TPRG1: variants seen among roughly 807,000 people sequenced by gnomAD.
TPRG1 encodes the protein tumor protein p63 regulated 1.
Under a neutral mutation model 29.3 loss-of-function variants are expected in TPRG1, and 29 were observed. The ratio of observed to expected loss-of-function variants is 0.99; its 90% CI spans 0.74 to 1.35. The LOEUF is 1.35. TPRG1 is among the 40% of genes most tolerant of loss of function. The probability of loss-of-function intolerance (pLI) is 0.00; values close to 1 mark genes in which losing one functional copy is unlikely to be tolerated. For missense variants in TPRG1, 327 were observed against 335.0 expected, an observed-to-expected ratio of 0.98 and a Z score of 0.19; for synonymous variants, 130 against 116.8, an observed-to-expected ratio of 1.11 and a Z score of -0.73.
At chr3:189,199,594 C>A (rs1318736148) in intron 1 of TPRG1, among the ~76,000 whole-genome samples, 2 of 152,176 alleles carry the variant, frequency 1.3e-5, no homozygotes, top group South Asian at 2.1e-4. Context: ...AATCCCAGCA[C>A]TTTTGGGAAG....
intron 1 of TPRG1, among the ~76,000 whole-genome samples, chr3:189,195,589 A>AG: frequency 6.6e-6 from 1 of 152,188 alleles, no homozygotes; most frequent in Non-Finnish European, 1.5e-5. Context: ...TGTGGGCCAC[A>AG]GGGGGCAGGG....
chr3:189,234,093 G>A (rs55991724), intron 3 of TPRG1, among the ~76,000 whole-genome samples: 2,113 of 152,170 alleles, frequency 0.014, 48 homozygotes, highest in African/African-American at 0.048. Context: ...TGCCCAGGCT[G>A]GTCTCAAACT....
chr3:189,209,806 A>C (rs894848898), intron 2 of TPRG1, among the ~76,000 whole-genome samples: 1 of 152,186 alleles, frequency 6.6e-6, no homozygotes, highest in African/African-American at 2.4e-5. Flanking sequence ...GTGTATCGAA[A>C]ACAATCTTAA....
At chr3:189,312,292 C>G (rs998254319) in intron 5 of TPRG1, among the ~76,000 whole-genome samples, 2 of 151,122 alleles carry the variant, frequency 1.3e-5, no homozygotes, top group Non-Finnish European at 2.9e-5. Flanking sequence ...AGCTCCGCCT[C>G]CCGGGTTCAC....
intron 4 of TPRG1, among the ~76,000 whole-genome samples, chr3:189,292,603 T>A (rs1382134265): frequency 6.6e-6 from 1 of 152,202 alleles, no homozygotes; most frequent in Non-Finnish European, 1.5e-5. Context: ...ACCACCACTC[T>A]TACCTCTTCT....
chr3:189,207,644 A>G (rs1198334878), intron 2 of TPRG1, 50 bp downstream of exon 2: 4 of 1,554,126 alleles, frequency 2.6e-6, no homozygotes, highest in African/African-American at 1.4e-5. Context: ...ACCCCAAGAC[A>G]TCTTAAAATC....
intron 5 of TPRG1, among the ~76,000 whole-genome samples, chr3:189,316,846 C>G (rs548366887): frequency 6.6e-6 from 1 of 152,142 alleles, no homozygotes; most frequent in Non-Finnish European, 1.5e-5. Context: ...GATGACACAG[C>G]GTTCCTGTCA....
chr3:189,137,523 T>C (rs1006138816), intron 3 of TPRG1, among the ~76,000 whole-genome samples: 1 of 152,180 alleles, frequency 6.6e-6, no homozygotes, highest in African/African-American at 2.4e-5. Context: ...ATCCAGGCCC[T>C]GCTGTGAACA....
Position 189,269,024 on chromosome 3 carries a change from C to T in TPRG1, c.479+30115C>T, listed in dbSNP as rs115430114. Reference sequence around the variant, plus strand: ...CTCCAGAAAATGGGATATTAAGACTCAACAATTAAATTTCTAACTCTTTGG... The same window carrying T: ...CTCCAGAAAATGGGATATTAAGACTTAACAATTAAATTTCTAACTCTTTGG... On this transcript the variant is annotated intron_variant, in intron 4 of 5. Transcript: ENST00000345063. 3.9e-3 allele frequency among the ~76,000 whole-genome samples: 598 copies of T among 151,958 alleles called. 4 individuals carry two copies. Among genetic ancestry groups the T allele is most frequent in the African/African-American group, 0.013 (541 of 41,432 alleles).
chr3:189,208,358 C>T (rs1164079593), intron 2 of TPRG1, among the ~76,000 whole-genome samples: 1 of 152,096 alleles, frequency 6.6e-6, no homozygotes, highest in Non-Finnish European at 1.5e-5. Context: ...GGGGCAAAAT[C>T]AGGGAGTTTA....
intron 3 of TPRG1, among the ~76,000 whole-genome samples, chr3:189,228,076 G>A (rs1022720724): frequency 5.3e-5 from 8 of 152,022 alleles, no homozygotes; most frequent in South Asian, 4.2e-4. Context: ...AGTCGAGATC[G>A]CCCCACTGCA....
intron 1 of TPRG1, among the ~76,000 whole-genome samples, chr3:189,118,820 GT>G (rs1362487400): frequency 6.6e-6 from 1 of 152,238 alleles, no homozygotes; most frequent in Non-Finnish European, 1.5e-5. Context: ...ATGCCTGGAT[GT>G]CTAGGCAGAA....
At chr3:189,052,801 C>T (rs917319295) in intron 4 of TPRG1, among the ~76,000 whole-genome samples, 1 of 152,002 alleles carries the variant, frequency 6.6e-6, no homozygotes, top group African/African-American at 2.4e-5. Flanking sequence ...GGATGAGATT[C>T]GGGACTATTA....
In TPRG1 at chr3:189,148,833, C is replaced by A. The variant is rs763023444; in HGVS notation, c.-227+1186C>A. Among the ~76,000 whole-genome samples the A allele has an allele frequency of 1.6e-4, 25 of 152,346 alleles. 1 individual carries two copies. Among genetic ancestry groups the A allele is most frequent in the Middle Eastern group, 6.8e-3 (2 of 292 alleles). On this transcript the variant is annotated intron_variant, in intron 4 of 6. Coordinates refer to the TPRG1 transcript ENST00000412373. ...AACCCACTATGTGAAATGGATAAAA[C>A]CATAGTTCTTCTGGTCAAAGCAGAA...
chr3:189,149,766 T>A (rs1300752758), intron 4 of TPRG1, among the ~76,000 whole-genome samples: 1 of 152,182 alleles, frequency 6.6e-6, no homozygotes, highest in African/African-American at 2.4e-5. Context: ...TTCGAGCCTG[T>A]GTCCGGAACT....
intron 4 of TPRG1, among the ~76,000 whole-genome samples, chr3:189,024,535 G>A (rs1560401090): frequency 6.6e-6 from 1 of 152,306 alleles, no homozygotes; most frequent in East Asian, 1.9e-4. Flanking sequence ...AAGAAGCAGT[G>A]TGGCGATGTT....
At chr3:189,152,389 C>G (rs1231285399) in intron 5 of TPRG1, among the ~76,000 whole-genome samples, 1 of 152,188 alleles carries the variant, frequency 6.6e-6, no homozygotes, top group Non-Finnish European at 1.5e-5. Context: ...CAGACATGGT[C>G]ATCTCCAAAT....
chr3:189,203,291 T>C (rs1020557282), intron 1 of TPRG1, among the ~76,000 whole-genome samples: 11 of 152,260 alleles, frequency 7.2e-5, no homozygotes, highest in Non-Finnish European at 1.2e-4. Flanking sequence ...ATTTCTATTG[T>C]CTAATCAAAG....
intron 4 of TPRG1, among the ~76,000 whole-genome samples, chr3:189,254,048 G>T (rs1487113802): frequency 6.6e-6 from 1 of 152,052 alleles, no homozygotes; most frequent in Non-Finnish European, 1.5e-5. Context: ...GTCAATTTTG[G>T]CTTTTGTTGC....
Sources: gnomAD v4.1 joint callset for allele counts (sites outside exome capture counted in the v4.1 genomes callset) on GRCh38, gnomAD v4.1.1 for gene constraint, MANE v1.5 for transcripts, NCBI Gene and HGNC (gene_info 2026-07-23, HGNC 2026-07-21) for gene names.